Variants in CDH18 observed in about 807,000 individuals in gnomAD.
The protein encoded by CDH18 is cadherin 18.
A neutral mutation model predicts 67.9 loss-of-function variants in CDH18; 31 were observed. The observed-to-expected ratio is 0.46, with a 90% CI of 0.34 to 0.62. The LOEUF is 0.62. Ranked by LOEUF, CDH18 falls within the 20% of genes least tolerant of loss-of-function variation. The probability of loss-of-function intolerance (pLI) is 0.01; values close to 1 mark genes in which losing one functional copy is unlikely to be tolerated. For missense variants in CDH18, 890 were observed against 975.5 expected, an observed-to-expected ratio of 0.91 and a Z score of 1.17; for synonymous variants, 362 against 347.2, an observed-to-expected ratio of 1.04 and a Z score of -0.48.
At chr5:19,808,335 T>C (rs962129141) in intron 3 of CDH18, among the ~76,000 whole-genome samples, 1 of 145,184 alleles carries the variant, frequency 6.9e-6, no homozygotes, top group African/African-American at 2.6e-5. Flanking sequence ...AAAACAAAAA[T>C]AAAACTGAAT....
intron 1 of CDH18, among the ~76,000 whole-genome samples, chr5:20,557,745 G>C (rs1402582330): frequency 6.6e-6 from 1 of 151,912 alleles, no homozygotes; most frequent in African/African-American, 2.4e-5. Flanking sequence ...CGTGGACCTA[G>C]AGAAATTTCT....
intron 3 of CDH18, among the ~76,000 whole-genome samples, chr5:19,838,533 T>C (rs975161924): frequency 9.9e-5 from 15 of 152,234 alleles, no homozygotes. Context: ...TGCAGTCTTG[T>C]ACATATGGGC....
intron 1 of CDH18, among the ~76,000 whole-genome samples, chr5:20,452,926 A>T (rs16887159): frequency 0.2 from 30,635 of 152,070 alleles, 3,837 homozygotes; most frequent in East Asian, 0.39. Context: ...TAGTACCCTT[A>T]AACCACACCA....
chr5:20,346,433 G>C (rs1215431276), intron 1 of CDH18, among the ~76,000 whole-genome samples: 1 of 152,110 alleles, frequency 6.6e-6, no homozygotes, highest in Non-Finnish European at 1.5e-5. Context: ...GCTTGGGCTG[G>C]TACTTCTTGG....
chr5:20,379,651 A>T (rs1446176648), intron 1 of CDH18, among the ~76,000 whole-genome samples: 1 of 152,164 alleles, frequency 6.6e-6, no homozygotes, highest in Non-Finnish European at 1.5e-5. Context: ...TAGAGAGATT[A>T]TTTTAATGTA....
chr5:20,356,895 G>GCATGTATATATACGTGTGTATA (rs1180307005), intron 1 of CDH18, among the ~76,000 whole-genome samples: 1 of 148,770 alleles, frequency 6.7e-6, no homozygotes, highest in Non-Finnish European at 1.5e-5. Context: ...ATATATACAT[G>GCATGTATATATACGTGTGTATA]CATGTATATA....
intron 2 of CDH18, among the ~76,000 whole-genome samples, chr5:19,914,264 C>CCGG (rs1791500267): frequency 6.6e-6 from 1 of 151,894 alleles, no homozygotes; most frequent in Non-Finnish European, 1.5e-5. Context: ...GAAAGAAGAC[C>CCGG]ATTCCGTTAT....
chr5:19,557,129 A>T (rs1185328122), intron 8 of CDH18, among the ~76,000 whole-genome samples: 5 of 152,188 alleles, frequency 3.3e-5, no homozygotes, highest in Non-Finnish European at 7.4e-5. Context: ...AAGAACTGCT[A>T]AAAGGAGATC....
chr5:19,896,004 C>T (rs963669110), intron 2 of CDH18, among the ~76,000 whole-genome samples: 2 of 81,240 alleles, frequency 2.5e-5, no homozygotes, highest in Admixed American at 1.5e-4. Context: ...CAACCTGTGT[C>T]GCATTATTTG....
At chr5:20,372,631 A>G (rs890769032) in intron 1 of CDH18, among the ~76,000 whole-genome samples, 7 of 152,196 alleles carry the variant, frequency 4.6e-5, no homozygotes, top group Non-Finnish European at 2.9e-5. Flanking sequence ...TATTACATCC[A>G]CACACACATA....
At chr5:19,720,663 T>C (rs1210681921) in intron 5 of CDH18, among the ~76,000 whole-genome samples, 2 of 152,290 alleles carry the variant, frequency 1.3e-5, no homozygotes, top group South Asian at 4.1e-4. Flanking sequence ...TGATGTGATA[T>C]AATGTCATAT....
At chr5:20,127,886 GTGT>G (rs1334979368) in intron 2 of CDH18, among the ~76,000 whole-genome samples, 7 of 152,112 alleles carry the variant, frequency 4.6e-5, no homozygotes, top group Non-Finnish European at 7.4e-5. Flanking sequence ...AAGAGAATTT[GTGT>G]TATTATTGTT....
chr5:20,418,059 T>C (rs1446814014), intron 1 of CDH18, among the ~76,000 whole-genome samples: 1 of 151,720 alleles, frequency 6.6e-6, no homozygotes, highest in Non-Finnish European at 1.5e-5. Context: ...ACTAGTGCCT[T>C]TTATTTTTTG....
chr5:20,018,356 T>C (rs938000981), intron 2 of CDH18, among the ~76,000 whole-genome samples: 1 of 152,156 alleles, frequency 6.6e-6, no homozygotes, highest in African/African-American at 2.4e-5. Context: ...AATTACAACA[T>C]AGAAATAGAC....
At chr5:20,033,343 A>G (rs1288474415) in intron 2 of CDH18, among the ~76,000 whole-genome samples, 1 of 151,986 alleles carries the variant, frequency 6.6e-6, no homozygotes, top group Non-Finnish European at 1.5e-5. Flanking sequence ...GACAGGTATG[A>G]CCCTTATCAA....
chr5:19,580,674 T>G (rs1432964401), intron 7 of CDH18, among the ~76,000 whole-genome samples: 1 of 151,936 alleles, frequency 6.6e-6, no homozygotes, highest in African/African-American at 2.4e-5. Flanking sequence ...CTGTGTGAGA[T>G]ATAATTGTTC....
At chr5:19,801,880 T>C (rs2149851506) in intron 3 of CDH18, among the ~76,000 whole-genome samples, 2 of 152,268 alleles carry the variant, frequency 1.3e-5, no homozygotes, top group South Asian at 4.1e-4. Context: ...TTACTTAATG[T>C]TGTTTGTGCC....
intron 2 of CDH18, among the ~76,000 whole-genome samples, chr5:20,240,538 G>A (rs1018196566): frequency 6.6e-6 from 1 of 152,052 alleles, no homozygotes; most frequent in Admixed American, 6.6e-5. Flanking sequence ...TTTCAATTCT[G>A]TTTTAAATGC....
At chr5:20,403,320 G>T (rs1228790497) in intron 1 of CDH18, among the ~76,000 whole-genome samples, 1 of 152,036 alleles carries the variant, frequency 6.6e-6, no homozygotes, top group Admixed American at 6.6e-5. Context: ...TGCATGTGCA[G>T]GTTTGTTACT....
Sources: allele counts gnomAD v4.1 joint callset (sites outside exome capture counted in the v4.1 genomes callset), GRCh38; gene constraint gnomAD v4.1.1; transcripts MANE v1.5; gene names NCBI Gene and HGNC (gene_info 2026-07-23, HGNC 2026-07-21).